The following SNX29 variants were observed in gnomAD, a reference collection of about 807,000 sequenced individuals.
SNX29 encodes sorting nexin-29.
SNX29 carries 78 observed loss-of-function variants against 102.1 expected under a neutral mutation model. That is an observed-to-expected ratio of 0.76 (90% CI 0.64 to 0.92). SNX29 has a LOEUF of 0.92. SNX29 is among the 40% of genes least tolerant of loss of function. The probability of loss-of-function intolerance (pLI) is 0.00; values close to 1 mark genes in which losing one functional copy is unlikely to be tolerated. For missense variants in SNX29, 1,280 were observed against 1,061.7 expected, an observed-to-expected ratio of 1.21 and a Z score of -2.86; for synonymous variants, 580 against 414.5, an observed-to-expected ratio of 1.40 and a Z score of -4.85.
intron 14 of SNX29, among the ~76,000 whole-genome samples, chr16:12,255,738 C>A (rs981694510): frequency 2.5e-4 from 38 of 152,300 alleles, no homozygotes; most frequent in African/African-American, 7.5e-4. Context: ...GAGTAGCTTT[C>A]CATTGTGTAT....
chr16:12,014,713 C>G lies in SNX29; in HGVS notation c.122+11670C>G, dbSNP rs990502401. Among the ~76,000 whole-genome samples, 14 of 70,250 alleles carry G rather than the reference C, an allele frequency of 2.0e-4. No individual in the cohort carries two copies. In the East Asian group the frequency reaches 4.7e-3, roughly 23 times the overall value. 46.1% of individuals were successfully genotyped at this position (70,250 alleles called of 152,430 possible). A position where few individuals can be genotyped will look rare whatever the true frequency, so the allele number is the denominator to read the frequency against. On this transcript the variant is annotated intron_variant, in intron 3 of 20. Transcript: ENST00000566228. ...TGCCATTGTACTCCAGCCTGGGCAA[C>G]AAGAATGAAGCTCCGTCTCAAAAAA...
Position 12,027,448 on chromosome 16 carries a change from C to G in SNX29, c.247+4C>G. 1.2e-6 allele frequency: 2 copies of G among 1,613,546 alleles called. No homozygotes were observed. The highest frequency in any genetic ancestry group is 1.7e-6 in the Non-Finnish European group (2 of 1,179,776). On this transcript the variant is annotated splice_donor_region_variant and intron_variant, in intron 4 of 20. Transcript: ENST00000566228. ...TTTGCCAGCAAAACCGAAACAGGTA[C>G]TGCTCTGCCTGGCTGTAGCTTGGAG...
intron 11 of SNX29, among the ~76,000 whole-genome samples, chr16:12,101,168 G>A (rs1418396856): frequency 1.3e-5 from 2 of 152,158 alleles, no homozygotes; most frequent in African/African-American, 4.8e-5. Flanking sequence ...AATAGGTAGA[G>A]GTTGTGCGTG....
At chr16:12,418,400 C>A (rs1352270234) in intron 18 of SNX29, among the ~76,000 whole-genome samples, 2 of 151,490 alleles carry the variant, frequency 1.3e-5, no homozygotes, top group Non-Finnish European at 2.9e-5. Context: ...AGCTGTTTTT[C>A]TAGTGGAGTG....
At chr16:12,461,283 T>C (rs1473490320) in intron 18 of SNX29, among the ~76,000 whole-genome samples, 2 of 152,170 alleles carry the variant, frequency 1.3e-5, no homozygotes, top group East Asian at 3.9e-4. Flanking sequence ...TCAATAAACA[T>C]TGGGTGAACT....
chr16:12,412,822 A>G (rs1016829455), intron 18 of SNX29, among the ~76,000 whole-genome samples: 3 of 152,220 alleles, frequency 2.0e-5, no homozygotes, highest in South Asian at 2.1e-4. Flanking sequence ...TTTACTTTTT[A>G]TATGAGAAAA....
intron 18 of SNX29, among the ~76,000 whole-genome samples, chr16:12,437,607 C>T (rs1325325649): frequency 1.3e-5 from 2 of 152,146 alleles, no homozygotes; most frequent in East Asian, 3.9e-4. Flanking sequence ...TGTTCTGAGT[C>T]CTTTCCCCTC....
At chr16:12,383,540 G>A (rs534910653) in intron 16 of SNX29, among the ~76,000 whole-genome samples, 2 of 151,782 alleles carry the variant, frequency 1.3e-5, no homozygotes, top group Admixed American at 1.3e-4. Context: ...GGGTTCAAGC[G>A]ATTCTTCTGC....
intron 20 of SNX29, among the ~76,000 whole-genome samples, chr16:12,528,700 T>C (rs2076852494): frequency 6.6e-6 from 1 of 152,214 alleles, no homozygotes; most frequent in Non-Finnish European, 1.5e-5. Context: ...CTCTGGAGTT[T>C]GCAGTCCTGG....
At chr16:12,453,674 C>T (rs2151725376) in intron 18 of SNX29, among the ~76,000 whole-genome samples, 1 of 152,280 alleles carries the variant, frequency 6.6e-6, no homozygotes, top group South Asian at 2.1e-4. Flanking sequence ...AGCCACCTCG[C>T]TGGCCCTCAG....
intron 18 of SNX29, among the ~76,000 whole-genome samples, chr16:12,459,412 T>A (rs1419262682): frequency 1.3e-5 from 2 of 152,162 alleles, no homozygotes; most frequent in East Asian, 3.9e-4. Context: ...ATCTCATGCC[T>A]ACTCTAGGGT....
chr16:12,067,868 T>C lies in SNX29; in HGVS notation c.1244-1189T>C, dbSNP rs116826896. Among the ~76,000 whole-genome samples, 459 of 152,314 alleles carry C rather than the reference T, an allele frequency of 3.0e-3. 1 individual carries two copies. The highest frequency in any genetic ancestry group is 0.011 in the African/African-American group (444 of 41,570). On this transcript the variant is annotated intron_variant, in intron 9 of 20. Transcript: ENST00000566228. ...ACCATGCAGCCCAAGGCTTATGGAT[T>C]TGCATGTTTTCCTGGAAGGAGACTT...
rs1050900671 is a variant in SNX29 at position 12,560,334 on chromosome 16, C to T, written c.2319-8172C>T. On this transcript the variant is annotated intron_variant, in intron 20 of 20. Transcript: ENST00000566228. Reference sequence around the variant, plus strand: ...TCATGAAAAAATAATGCTGGGTTTACCGAAGGGGGATTTACATTCATCTGG... The same window carrying T: ...TCATGAAAAAATAATGCTGGGTTTATCGAAGGGGGATTTACATTCATCTGG... Among the ~76,000 whole-genome samples, 5 of 152,080 alleles carry T rather than the reference C, an allele frequency of 3.3e-5. No homozygotes were observed. In the East Asian group the frequency reaches 5.8e-4, roughly 18 times the overall value.
chr16:12,301,926 G>A (rs546340243), intron 15 of SNX29, among the ~76,000 whole-genome samples: 10 of 152,230 alleles, frequency 6.6e-5, no homozygotes, highest in East Asian at 5.8e-4. Context: ...CTAACATTGC[G>A]GCTGCTGGTC....
intron 19 of SNX29, among the ~76,000 whole-genome samples, chr16:12,487,662 T>C (rs1337605025): frequency 6.6e-6 from 1 of 152,142 alleles, no homozygotes; most frequent in Non-Finnish European, 1.5e-5. Flanking sequence ...AAGTTCGTCA[T>C]GTGAAGACAA....
At chr16:12,014,977 T>C (rs897331158) in intron 3 of SNX29, among the ~76,000 whole-genome samples, 2 of 152,026 alleles carry the variant, frequency 1.3e-5, no homozygotes, top group Non-Finnish European at 2.9e-5. Flanking sequence ...ACTATTTTTT[T>C]TGGGGGAGAG....
chr16:12,423,154 G>T lies in SNX29; in HGVS notation c.2037+19625G>T, dbSNP rs79270802. ...AGTTCCAAAGATGGACCCTCGGCTC[G>T]CTAAAGCCAGGAGAAGCATTTACTC... On this transcript the variant is annotated intron_variant, in intron 18 of 20. Transcript: ENST00000566228. 6.7e-3 allele frequency among the ~76,000 whole-genome samples: 1,019 copies of T among 151,948 alleles called. 15 individuals are homozygous for T. Among genetic ancestry groups the T allele is most frequent in the African/African-American group, 0.023 (957 of 41,456 alleles).
At chr16:12,242,824 GT>G (rs961794649) in intron 14 of SNX29, among the ~76,000 whole-genome samples, 5 of 150,906 alleles carry the variant, frequency 3.3e-5, no homozygotes, top group Admixed American at 6.6e-5. Flanking sequence ...GCCTTGCTGG[GT>G]TTTTTTTTGT....
intron 16 of SNX29, among the ~76,000 whole-genome samples, chr16:12,378,234 G>C (rs1249768666): frequency 6.6e-6 from 1 of 152,122 alleles, no homozygotes; most frequent in Non-Finnish European, 1.5e-5. Context: ...ATCTGGTGAG[G>C]GTGTTTCCAC....
Sources: allele counts gnomAD v4.1 joint callset (sites outside exome capture counted in the v4.1 genomes callset), GRCh38; gene constraint gnomAD v4.1.1; transcripts MANE v1.5; gene names NCBI Gene and HGNC (gene_info 2026-07-23, HGNC 2026-07-21).